EVA1A: variants seen among roughly 807,000 people sequenced by gnomAD.
EVA1A encodes the protein protein eva-1 homolog A.
Under a neutral mutation model 9.8 loss-of-function variants are expected in EVA1A, and 7 were observed. That is an observed-to-expected ratio of 0.71 (90% CI 0.41 to 1.34). EVA1A has a LOEUF of 1.34. Ranked by LOEUF, EVA1A falls within the 40% of genes most tolerant of loss-of-function variation. The pLI is 0.01. For missense variants in EVA1A, 206 were observed against 205.9 expected (o/e 1.00, Z 0.00); for synonymous variants, 90 against 85.6 (o/e 1.05, Z -0.28).
At chr2:75,505,161 C>T (rs1308260263) in intron 3 of EVA1A, among the ~76,000 whole-genome samples, 9 of 152,206 alleles carry the variant, frequency 5.9e-5, no homozygotes. Flanking sequence ...TTCCATCCAG[C>T]ATTACCACTG....
intron 3 of EVA1A, among the ~76,000 whole-genome samples, chr2:75,509,951 T>C (rs889284208): frequency 1.3e-5 from 2 of 152,096 alleles, no homozygotes; most frequent in African/African-American, 4.8e-5. Flanking sequence ...GTTTGAAATA[T>C]AGATTAAACA....
At chr2:75,533,157 AAAAAAG>A (rs1335255923) in intron 1 of EVA1A, among the ~76,000 whole-genome samples, 4 of 151,830 alleles carry the variant, frequency 2.6e-5, no homozygotes, top group African/African-American at 9.7e-5. Flanking sequence ...TTTAAAAAAA[AAAAAAG>A]AAAAAAGAAA....
intron 1 of EVA1A, among the ~76,000 whole-genome samples, chr2:75,525,804 G>A (rs569349645): frequency 1.3e-5 from 2 of 152,208 alleles, no homozygotes; most frequent in Non-Finnish European, 2.9e-5. Context: ...CAAGACTTAC[G>A]TGGTGGTGGC....
At chr2:75,531,765 G>C (rs1675658805) in intron 1 of EVA1A, among the ~76,000 whole-genome samples, 1 of 152,102 alleles carries the variant, frequency 6.6e-6, no homozygotes, top group Admixed American at 6.5e-5. Flanking sequence ...TTCGGGGAAG[G>C]CTGGGAGGAG....
chr2:75,542,733 T>C (rs1416470916), intron 1 of EVA1A: 1 of 152,210 alleles, frequency 6.6e-6, no homozygotes, highest in African/African-American at 2.4e-5. Context: ...TGATAAGGTC[T>C]TTGAAAATAA....
At chr2:75,559,704 G>GGGGGGGGGGGGGT (rs1676849803) in intron 1 of EVA1A, among the ~76,000 whole-genome samples, 1 of 134,794 alleles carries the variant, frequency 7.4e-6, no homozygotes, top group African/African-American at 2.7e-5. Flanking sequence ...AGGTGGGGGG[G>GGGGGGGGGGGGGT]GGGCGGGGGA....
chr2:75,537,375 C>T (rs1675948657), intron 1 of EVA1A, among the ~76,000 whole-genome samples: 1 of 152,152 alleles, frequency 6.6e-6, no homozygotes, highest in Admixed American at 6.5e-5. Flanking sequence ...TCATGAAATA[C>T]TCAATGTTTA....
rs144067627 is a variant in EVA1A, at chr2:75,524,824, G to A, written c.-191-2337C>T. ...TTCCTCCTTCTTCCTACAGGACATG[G>A]TTCCATTAATGAATGATTCTTCTTT... On this transcript the variant is annotated intron_variant, in intron 1 of 3. Transcript: ENST00000393913. Among the ~76,000 whole-genome samples the A allele has an allele frequency of 2.3e-3, 347 of 152,104 alleles. 3 individuals carry two copies. The highest frequency in any genetic ancestry group is 5.8e-3 in the South Asian group (28 of 4,808).
At chr2:75,562,348 C>T (rs902005498), upstream of EVA1A, among the ~76,000 whole-genome samples, 2 of 152,078 alleles carry the variant, frequency 1.3e-5, no homozygotes, top group African/African-American at 4.8e-5. Context: ...TTTTCAGATG[C>T]TCTCAAGATG....
chr2:75,565,774 C>T (rs893288635), upstream of EVA1A, among the ~76,000 whole-genome samples: 2 of 152,294 alleles, frequency 1.3e-5, no homozygotes, highest in Non-Finnish European at 2.9e-5. Context: ...TGATGAGAGG[C>T]TAATGGATGT....
chr2:75,510,292 T>TTA (rs1309287312), intron 3 of EVA1A, among the ~76,000 whole-genome samples: 1 of 152,168 alleles, frequency 6.6e-6, no homozygotes, highest in Non-Finnish European at 1.5e-5. Context: ...AATTTACAAA[T>TTA]TATATATATT....
At chr2:75,559,697 T>TC (rs1553422509) in intron 1 of EVA1A, among the ~76,000 whole-genome samples, 1 of 78,802 alleles carries the variant, frequency 1.3e-5, no homozygotes, top group South Asian at 5.5e-4. Context: ...AGAAAGGAGG[T>TC]GGGGGGGGGG....
chr2:75,562,408 C>T (rs1323536895), upstream of EVA1A, among the ~76,000 whole-genome samples: 1 of 152,160 alleles, frequency 6.6e-6, no homozygotes, highest in Admixed American at 6.5e-5. Flanking sequence ...TACTCAAGAG[C>T]TACTTCATTT....
chr2:75,553,837 T>C (rs1212905568), intron 1 of EVA1A, among the ~76,000 whole-genome samples: 2 of 152,178 alleles, frequency 1.3e-5, no homozygotes, highest in Non-Finnish European at 2.9e-5. Flanking sequence ...CGAGGTCTCA[T>C]AGCAAGTAAA....
intron 1 of EVA1A, among the ~76,000 whole-genome samples, chr2:75,560,086 G>A (rs1676870114): frequency 6.6e-6 from 1 of 152,146 alleles, no homozygotes; most frequent in African/African-American, 2.4e-5. Flanking sequence ...CCCAGATAGA[G>A]CAGCGTGGAC....
Position 75,493,327 on chromosome 2 carries a change from C to T in EVA1A, c.368G>A (p.Arg123Gln), listed in dbSNP as rs370520675. Reference sequence around the variant, plus strand: ...GATGATGCGCTCGCGCTCCTCCAGCCGCTGGGCGCGCTCCAGCTCCTCCGC... The same window carrying T: ...GATGATGCGCTCGCGCTCCTCCAGCTGCTGGGCGCGCTCCAGCTCCTCCGC... ...TSAEELERAQRLEERERIIRE... is the reference protein window; with the variant it reads ...TSAEELERAQQLEERERIIRE... Residue 123 changes from arginine to glutamine, a missense_variant, in exon 4 of 4, where the codon CGG (arginine) becomes CAG (glutamine). Transcript: ENST00000393913. The T allele has an allele frequency of 1.2e-5, 20 of 1,614,202 alleles. No individual in the cohort carries two copies. Among genetic ancestry groups the T allele is most frequent in the Non-Finnish European group, 1.5e-5 (18 of 1,180,024 alleles).
chr2:75,537,016 T>C lies in EVA1A; in HGVS notation c.-191-14529A>G, dbSNP rs190103961. ...CAAAGATAGTGCAAAAAAAGAAAAC[T>C]CAAAGCCATCAGGAACATAGATAAA... On this transcript the variant is annotated intron_variant, in intron 1 of 3. Transcript: ENST00000393913. Among the ~76,000 whole-genome samples, 228 of 152,000 alleles carry C rather than the reference T, an allele frequency of 1.5e-3. 1 individual carries two copies. Among genetic ancestry groups the C allele is most frequent in the African/African-American group, 5.3e-3 (220 of 41,450 alleles).
At chr2:75,498,219 T>C (rs1674281805) in intron 3 of EVA1A, among the ~76,000 whole-genome samples, 1 of 151,820 alleles carries the variant, frequency 6.6e-6, no homozygotes, top group African/African-American at 2.4e-5. Flanking sequence ...TTAAGCAAAT[T>C]CACACAGGAA....
intron 1 of EVA1A, among the ~76,000 whole-genome samples, chr2:75,551,302 T>C (rs1676514495): frequency 6.6e-6 from 1 of 152,202 alleles, no homozygotes; most frequent in African/African-American, 2.4e-5. Flanking sequence ...CTCACATTTG[T>C]TCATTAGCTC....
Sources: gnomAD v4.1 joint callset for allele counts (sites outside exome capture counted in the v4.1 genomes callset) on GRCh38, gnomAD v4.1.1 for gene constraint, MANE v1.5 for transcripts, NCBI Gene and HGNC (gene_info 2026-07-23, HGNC 2026-07-21) for gene names.